The following TBXAS1 variants were observed in gnomAD, a reference collection of about 807,000 sequenced individuals.
TBXAS1 encodes thromboxane A synthase 1, also known as thromboxane-A synthase.
Under a neutral mutation model 60.7 loss-of-function variants are expected in TBXAS1, and 48 were observed. The ratio of observed to expected loss-of-function variants is 0.79; its 90% CI spans 0.63 to 1.01. The LOEUF (loss-of-function observed/expected upper bound fraction) is 1.01. Ranked by LOEUF, TBXAS1 falls within the 50% of genes least tolerant of loss-of-function variation. The pLI, the probability that TBXAS1 is intolerant of heterozygous loss-of-function variation, is 0.00. For missense variants in TBXAS1, 685 were observed against 686.3 expected (o/e 1.00, Z 0.02); for synonymous variants, 287 against 269.7 (o/e 1.06, Z -0.63).
intron 3 of TBXAS1, among the ~76,000 whole-genome samples, chr7:139,902,684 C>T (rs374586105): frequency 6.6e-6 from 1 of 152,096 alleles, no homozygotes; most frequent in Admixed American, 6.5e-5. Context: ...TATAAGAAAT[C>T]GCCAAAGCGG....
intron 4 of TBXAS1, among the ~76,000 whole-genome samples, chr7:139,926,348 G>A (rs1055546145): frequency 6.6e-6 from 1 of 152,076 alleles, no homozygotes; most frequent in Non-Finnish European, 1.5e-5. Context: ...ATCTGTTCAG[G>A]CTTTGGATTA....
intron 1 of TBXAS1, among the ~76,000 whole-genome samples, chr7:139,867,738 G>A (rs1246826836): frequency 6.6e-6 from 1 of 152,050 alleles, no homozygotes; most frequent in Non-Finnish European, 1.5e-5. Context: ...AATCGCTTGA[G>A]CCCAGGAAGA....
chr7:139,874,303 A>G (rs1221592031), intron 2 of TBXAS1, among the ~76,000 whole-genome samples: 3 of 152,178 alleles, frequency 2.0e-5, no homozygotes, highest in Admixed American at 1.3e-4. Context: ...CTGGGGGGAA[A>G]TGATCAGTTG....
intron 5 of TBXAS1, among the ~76,000 whole-genome samples, chr7:139,939,340 G>A (rs1808077586): frequency 8.1e-6 from 1 of 123,626 alleles, no homozygotes; most frequent in South Asian, 2.8e-4. Context: ...CTCTAGCCTT[G>A]GTGACAGAGT....
At chr7:139,910,904 A>G (rs972857650) in intron 3 of TBXAS1, among the ~76,000 whole-genome samples, 1 of 152,164 alleles carries the variant, frequency 6.6e-6, no homozygotes, top group South Asian at 2.1e-4. Flanking sequence ...TGAACCCTTT[A>G]TTATTACATT....
chr7:139,957,451 G>A (rs1342617481), intron 7 of TBXAS1, 183 bp from the exon 8 acceptor site: 1 of 704,788 alleles, frequency 1.4e-6, no homozygotes, highest in Non-Finnish European at 2.5e-6. Context: ...CAGGAATGGT[G>A]AGGAGTACCG....
intron 9 of TBXAS1, among the ~76,000 whole-genome samples, chr7:139,990,911 G>A (rs532063077): frequency 6.6e-6 from 1 of 152,266 alleles, no homozygotes; most frequent in African/African-American, 2.4e-5. Context: ...AACCCCCTTG[G>A]AGAAGCCTCC....
At chr7:139,947,377 G>A (rs570409162) in intron 5 of TBXAS1, among the ~76,000 whole-genome samples, 9 of 152,122 alleles carry the variant, frequency 5.9e-5, no homozygotes, top group East Asian at 3.9e-4. Flanking sequence ...GAACACATGC[G>A]CATAAGGAGG....
At chr7:139,914,742 A>C (rs1235288557) in intron 4 of TBXAS1, among the ~76,000 whole-genome samples, 1 of 152,104 alleles carries the variant, frequency 6.6e-6, no homozygotes, top group Non-Finnish European at 1.5e-5. Flanking sequence ...CATGTGTGTC[A>C]CTCGTTGTCA....
At position 139,935,462 on chromosome 7, in the gene TBXAS1, C is replaced by T. The variant is rs553865511; in HGVS notation, c.334-729C>T. Among the ~76,000 whole-genome samples, 18 of 152,206 alleles carry T rather than the reference C, an allele frequency of 1.2e-4. 1 individual carries two copies. The South Asian group carries it at 3.3e-3, about 28-fold the overall frequency. ...ATTGGTTGAATCCACAGATGCAGAA[C>T]GCCCAGATATAGAAGGCTGACTGCA... On this transcript the variant is annotated intron_variant, in intron 4 of 12. Transcript: ENST00000448866.
intron 9 of TBXAS1, among the ~76,000 whole-genome samples, chr7:139,995,243 T>TGCCA (rs1457425202): frequency 6.6e-6 from 1 of 152,124 alleles, no homozygotes; most frequent in Non-Finnish European, 1.5e-5. Flanking sequence ...TTTAGGCCAG[T>TGCCA]GGATAAAAAA....
At chr7:139,828,961 GTAGATA>G (rs570400618), upstream of TBXAS1, among the ~76,000 whole-genome samples, 8 of 152,254 alleles carry the variant, frequency 5.3e-5, no homozygotes, top group African/African-American at 1.9e-4. Context: ...ATAGATGGAT[GTAGATA>G]TAGATATAGA....
At position 139,839,695 on chromosome 7, in the gene TBXAS1, A is replaced by AAC. The variant is rs1554472247; in HGVS notation, c.89+10216_89+10217insAC. ...TTCTACCAAAAAAAAAAAAAAAAAA[A>AAC]CAAATCAAAAATTAGCCAGGTGTGG... On this transcript the variant is annotated intron_variant, in intron 1 of 12. Transcript: ENST00000448866. Among the ~76,000 whole-genome samples the AAC allele has an allele frequency of 2.2e-4, 32 of 145,860 alleles. 1 individual carries two copies. Among genetic ancestry groups the AAC allele is most frequent in the East Asian group, 1.8e-3 (9 of 4,992 alleles).
At chr7:139,970,110 T>C (rs1569520944) in intron 9 of TBXAS1, among the ~76,000 whole-genome samples, 1 of 152,030 alleles carries the variant, frequency 6.6e-6, no homozygotes, top group Admixed American at 6.6e-5. Context: ...TTTTTGTGAT[T>C]ATTATTTTGT....
At chr7:139,801,105 G>A (rs1241315259) in intron 4 of TBXAS1, among the ~76,000 whole-genome samples, 1 of 152,200 alleles carries the variant, frequency 6.6e-6, no homozygotes, top group African/African-American at 2.4e-5. Flanking sequence ...AGGGAAATCA[G>A]TATCTTTGCA....
rs148162977 is a variant in TBXAS1, at chr7:139,971,998, C to A, written c.1134+9765C>A. Reference sequence around the variant, plus strand: ...AGAAGCCTGTAAGTGCACACAGCAGCCAAGACCCACATGCCTGCAATGGGG... The same window carrying A: ...AGAAGCCTGTAAGTGCACACAGCAGACAAGACCCACATGCCTGCAATGGGG... On this transcript the variant is annotated intron_variant, in intron 9 of 12. Coordinates refer to ENST00000448866, the MANE Select transcript of TBXAS1 (RefSeq NM_001061.7). 9.2e-3 allele frequency among the ~76,000 whole-genome samples: 1,399 copies of A among 152,300 alleles called. 11 individuals are homozygous for A. The highest frequency in any genetic ancestry group is 0.014 in the Non-Finnish European group (973 of 68,024).
intron 5 of TBXAS1, among the ~76,000 whole-genome samples, chr7:139,952,893 G>A (rs925302710): frequency 7.2e-5 from 11 of 152,214 alleles, no homozygotes; most frequent in Non-Finnish European, 1.5e-4. Flanking sequence ...TGAAATGGAT[G>A]ACCTTAGGTT....
chr7:139,971,951 C>G (rs868532024), intron 9 of TBXAS1, among the ~76,000 whole-genome samples: 7 of 152,312 alleles, frequency 4.6e-5, no homozygotes, highest in Middle Eastern at 3.4e-3. Flanking sequence ...CCCACTGCCC[C>G]CTGGGAGCCC....
chr7:139,800,746 A>G (rs2116354706), intron 4 of TBXAS1, among the ~76,000 whole-genome samples: 1 of 152,276 alleles, frequency 6.6e-6, no homozygotes, highest in South Asian at 2.1e-4. Flanking sequence ...TTTGGATAGA[A>G]TATTCTCCCT....
Sources: gnomAD v4.1 joint callset for allele counts (sites outside exome capture counted in the v4.1 genomes callset) on GRCh38, gnomAD v4.1.1 for gene constraint, MANE v1.5 for transcripts, NCBI Gene and HGNC (gene_info 2026-07-23, HGNC 2026-07-21) for gene names.